HNF4A: variants seen among roughly 807,000 people sequenced by gnomAD.
The protein encoded by HNF4A is hepatocyte nuclear factor 4 alpha.
In HNF4A, 15 loss-of-function variants were observed where a neutral mutation model predicts 52.4. The observed-to-expected ratio is 0.29, with a 90% CI of 0.19 to 0.44. The LOEUF (loss-of-function observed/expected upper bound fraction) is 0.44. Among genes scored for constraint, HNF4A ranks in the 20% least tolerant of loss-of-function variants. The probability of loss-of-function intolerance (pLI) is 1.00; values close to 1 mark genes in which losing one functional copy is unlikely to be tolerated. For missense variants in HNF4A, 479 were observed against 647.2 expected, an observed-to-expected ratio of 0.74 and a Z score of 2.82; for synonymous variants, 280 against 264.4, an observed-to-expected ratio of 1.06 and a Z score of -0.57.
At chr20:44,355,949 G>C (rs1293521196) in intron 1 of HNF4A, 96 bp downstream of exon 1, 10 of 1,077,434 alleles carry the variant, frequency 9.3e-6, no homozygotes, top group Non-Finnish European at 1.1e-5. Flanking sequence ...CGGGCCCAAA[G>C]CTCCTCCTGG....
chr20:44,359,477 G>C (rs2062894444), intron 1 of HNF4A, among the ~76,000 whole-genome samples: 1 of 152,186 alleles, frequency 6.6e-6, no homozygotes, highest in Non-Finnish European at 1.5e-5. Context: ...AGACAAGTAT[G>C]TAGTGGAAAG....
intron 7 of HNF4A, 47 bp downstream of exon 7, chr20:44,419,923 G>A (rs141585334): frequency 1.4e-4 from 219 of 1,589,042 alleles, no homozygotes; most frequent in Middle Eastern, 1.3e-3. Context: ...TCTCCAGAAC[G>A]CTCTGCCAGA....
At position 44,407,453 on chromosome 20, in the gene HNF4A, C is replaced by T; in HGVS notation, c.363C>T (p.Phe121=). The stretch of plus-strand genomic sequence containing the variant: ...GCTACTGCAGGCTCAAGAAATGCTT[C>T]CGGGCTGGCATGAAGAAGGAAGGTG... The change falls in exon 3 of 10, where the codon TTC becomes TTT. Residue 121 remains phenylalanine, a synonymous_variant. Coordinates refer to ENST00000316099, the MANE Select transcript of HNF4A (RefSeq NM_000457.6). 1 of 1,605,402 alleles carries T rather than the reference C, an allele frequency of 6.2e-7. No homozygotes were observed. The highest frequency in any genetic ancestry group is 8.5e-7 in the Non-Finnish European group (1 of 1,175,378).
Position 44,424,006 on chromosome 20 carries a change from C to T in HNF4A, c.893-12C>T, listed in dbSNP as rs1277428646. On this transcript the variant is annotated splice_polypyrimidine_tract_variant and intron_variant, in intron 7 of 9. Coordinates refer to ENST00000316099, the MANE Select transcript of HNF4A (RefSeq NM_000457.6). ...CCTGCTGCCCTCCCTTGCCCACCCT[C>T]TTCCATTGTAGATGCCAAGGGGCTG... The T allele has an allele frequency of 6.2e-7, 1 of 1,612,470 alleles. No individual in the cohort carries two copies. The highest frequency in any genetic ancestry group is 8.5e-7 in the Non-Finnish European group (1 of 1,179,700).
chr20:44,392,385 C>A (rs1254956253), intron 1 of HNF4A, among the ~76,000 whole-genome samples: 1 of 152,110 alleles, frequency 6.6e-6, no homozygotes, highest in Admixed American at 6.6e-5. Flanking sequence ...AAATTTGAAG[C>A]CCCCCTACAG....
chr20:44,396,971 C>T (rs765698054), upstream of HNF4A, among the ~76,000 whole-genome samples: 18 of 152,110 alleles, frequency 1.2e-4, no homozygotes, highest in Non-Finnish European at 2.4e-4. Context: ...TTAATCTTCA[C>T]GACAAACGAC....
At chr20:44,374,420 C>T (rs2063064245) in intron 1 of HNF4A, among the ~76,000 whole-genome samples, 1 of 152,084 alleles carries the variant, frequency 6.6e-6, no homozygotes, top group African/African-American at 2.4e-5. Flanking sequence ...TTTTCATTAT[C>T]CATTCCACTG....
intron 1 of HNF4A, among the ~76,000 whole-genome samples, chr20:44,402,066 T>C (rs930920378): frequency 1.8e-4 from 27 of 152,028 alleles, no homozygotes; most frequent in Non-Finnish European, 5.9e-5. Context: ...TCGTGTGTGA[T>C]AGTGAGTTTC....
chr20:44,401,358 G>A lies in HNF4A; in HGVS notation c.-15G>A, dbSNP rs568730599. 5.0e-5 allele frequency: 81 copies of A among 1,614,018 alleles called. No homozygotes were observed. Among genetic ancestry groups the A allele is most frequent in the Admixed American group, 8.3e-5 (5 of 60,030 alleles). ...CCAGGGTAGGGCAGGTGGCCGCGGC[G>A]TGGAGGCAGGGAGAATGCGACTCTC... On this transcript the variant is annotated 5_prime_UTR_variant, in exon 1 of 10. Coordinates refer to ENST00000316099, the MANE Select transcript of HNF4A (RefSeq NM_000457.6).
chr20:44,432,739 C>A lies in HNF4A; in HGVS notation c.*3074C>A, dbSNP rs1017755590. 1 of 152,102 alleles carries A rather than the reference C, an allele frequency of 6.6e-6. No individual in the cohort carries two copies. Among genetic ancestry groups the A allele is most frequent in the Non-Finnish European group, 1.5e-5 (1 of 68,020 alleles). 9.4% of individuals were successfully genotyped at this position (152,102 alleles called of 1,614,324 possible). A position where few individuals can be genotyped will look rare whatever the true frequency, so the allele number is the denominator to read the frequency against. ...TTAGGTCTTGCGCTGACCCCTGAGC[C>A]CCCATCACTGCCGCCTGATGGGGCA... On this transcript the variant is annotated 3_prime_UTR_variant, in exon 10 of 10. Transcript: ENST00000316099.
intron 5 of HNF4A, among the ~76,000 whole-genome samples, chr20:44,416,640 A>G (rs1402441880): frequency 1.3e-5 from 2 of 152,246 alleles, no homozygotes; most frequent in African/African-American, 4.8e-5. Flanking sequence ...GGGGAATAGA[A>G]GGGGCAAGGA....
intron 1 of HNF4A, among the ~76,000 whole-genome samples, chr20:44,403,751 C>A (rs970820578): frequency 1.3e-5 from 2 of 152,318 alleles, no homozygotes; most frequent in African/African-American, 4.8e-5. Flanking sequence ...TCACGGGAAG[C>A]AGTGCGATGA....
chr20:44,387,607 G>C (rs1433385760), intron 1 of HNF4A, among the ~76,000 whole-genome samples: 3 of 138,814 alleles, frequency 2.2e-5, no homozygotes, highest in Non-Finnish European at 4.7e-5. Flanking sequence ...AAGAGTAGGG[G>C]GTAGGGAAGC....
intron 1 of HNF4A, among the ~76,000 whole-genome samples, chr20:44,386,972 G>T (rs1020573337): frequency 2.7e-4 from 41 of 152,192 alleles, no homozygotes; most frequent in Middle Eastern, 3.4e-3. Flanking sequence ...GACCTTTTCA[G>T]TCATTCATCC....
At chr20:44,411,741 C>T (rs2063586963) in intron 3 of HNF4A, among the ~76,000 whole-genome samples, 1 of 152,078 alleles carries the variant, frequency 6.6e-6, no homozygotes, top group African/African-American at 2.4e-5. Context: ...GTCAATGTTC[C>T]CTGGAGAAAT....
chr20:44,419,701 C>T lies in HNF4A; in HGVS notation c.737-20C>T. The T allele has an allele frequency of 6.2e-7, 1 of 1,611,130 alleles. No individual in the cohort carries two copies. Among genetic ancestry groups the T allele is most frequent in the African/African-American group, 1.3e-5 (1 of 74,978 alleles). On this transcript the variant is annotated intron_variant, in intron 6 of 9. Coordinates refer to ENST00000316099, the MANE Select transcript of HNF4A (RefSeq NM_000457.6). ...AACCCAAGGTGACTTCCCATCCTCC[C>T]TCCCTCCCAACCCTTCCAGGCAATG... is the stretch of plus-strand genomic sequence containing the variant.
chr20:44,383,813 C>A (rs538168909), intron 1 of HNF4A, among the ~76,000 whole-genome samples: 2 of 152,056 alleles, frequency 1.3e-5, no homozygotes, highest in African/African-American at 4.8e-5. Flanking sequence ...CTCAGCCCCC[C>A]AAACTGCTGG....
intron 3 of HNF4A, among the ~76,000 whole-genome samples, chr20:44,408,724 CAA>C (rs200502663): frequency 4.7e-5 from 7 of 148,852 alleles, no homozygotes; most frequent in Non-Finnish European, 1.0e-4. Flanking sequence ...GAGACTCTCT[CAA>C]AAAAAATAAA....
At chr20:44,409,377 TAC>T (rs1224273090) in intron 3 of HNF4A, among the ~76,000 whole-genome samples, 1 of 152,234 alleles carries the variant, frequency 6.6e-6, no homozygotes, top group Non-Finnish European at 1.5e-5. Flanking sequence ...GATTGAGAAC[TAC>T]AGTCTAAGGT....
Sources: gnomAD v4.1 joint callset for allele counts (sites outside exome capture counted in the v4.1 genomes callset) on GRCh38, gnomAD v4.1.1 for gene constraint, MANE v1.5 for transcripts, NCBI Gene and HGNC (gene_info 2026-07-23, HGNC 2026-07-21) for gene names.